AKT3: variants seen among roughly 807,000 people sequenced by gnomAD.
AKT3 encodes the protein AKT serine/threonine kinase 3, also known as RAC-gamma serine/threonine-protein kinase.
AKT3 carries 15 observed loss-of-function variants against 65.3 expected under a neutral mutation model. That is an observed-to-expected ratio of 0.23 (90% CI 0.15 to 0.35). The LOEUF (loss-of-function observed/expected upper bound fraction) is 0.35, where lower values mean the gene tolerates loss of function less well. AKT3 is among the 10% of genes least tolerant of loss of function. AKT3 has a pLI of 1.00. For missense variants in AKT3, 243 were observed against 576.5 expected, an observed-to-expected ratio of 0.42 and a Z score of 5.92; for synonymous variants, 206 against 183.8, an observed-to-expected ratio of 1.12 and a Z score of -0.98.
intron 2 of AKT3, among the ~76,000 whole-genome samples, chr1:243,731,406 C>A (rs1371382687): frequency 6.6e-6 from 1 of 152,138 alleles, no homozygotes; most frequent in African/African-American, 2.4e-5. Flanking sequence ...AGGTAATGGG[C>A]AAGCTCTGAG....
rs1219929825 is a variant in AKT3, at chr1:243,664,228, G to A, written c.284+544C>T. On this transcript the variant is annotated intron_variant, in intron 4 of 13. Coordinates refer to ENST00000673466, the MANE Select transcript of AKT3 (RefSeq NM_005465.7). ...TTTTTTTTTTTTGAGACAGAGTCTCGCTCTGTCGCCCAGGCTGGAGTGCAG... is the reference window on the plus strand; with the variant it reads ...TTTTTTTTTTTTGAGACAGAGTCTCACTCTGTCGCCCAGGCTGGAGTGCAG... Among the ~76,000 whole-genome samples, 15 of 107,612 alleles carry A rather than the reference G, an allele frequency of 1.4e-4. No homozygotes were observed. The East Asian group carries it at 1.5e-3, about 11-fold the overall frequency. The allele number at this position is 107,612 out of a possible 152,430, so 70.6% of individuals were successfully genotyped here. A position where few individuals can be genotyped will look rare whatever the true frequency, so the allele number is the denominator to read the frequency against.
chr1:243,752,250 A>G (rs1441367353), intron 2 of AKT3, among the ~76,000 whole-genome samples: 3 of 152,230 alleles, frequency 2.0e-5, no homozygotes, highest in East Asian at 1.9e-4. Flanking sequence ...TCTGAAAGGT[A>G]TATCTACTAA....
intron 2 of AKT3, among the ~76,000 whole-genome samples, chr1:243,806,358 G>A (rs548874669): frequency 1.3e-5 from 2 of 151,114 alleles, no homozygotes; most frequent in South Asian, 2.1e-4. Context: ...GTATTTATTA[G>A]GGGAAAAAAA....
At chr1:243,824,469 A>G (rs1384243947) in intron 2 of AKT3, among the ~76,000 whole-genome samples, 5 of 152,214 alleles carry the variant, frequency 3.3e-5, no homozygotes, top group Non-Finnish European at 7.3e-5. Context: ...CAGAGTGAAC[A>G]GACAATGTAC....
intron 2 of AKT3, among the ~76,000 whole-genome samples, chr1:243,789,716 A>G (rs1027974687): frequency 1.3e-5 from 2 of 152,212 alleles, no homozygotes; most frequent in South Asian, 4.1e-4. Context: ...GGGCCATCAG[A>G]GGAATTGCTA....
At chr1:243,488,795 T>G (rs1486598276) in intron 13 of AKT3, among the ~76,000 whole-genome samples, 1 of 152,170 alleles carries the variant, frequency 6.6e-6, no homozygotes, top group Non-Finnish European at 1.5e-5. Context: ...GATAGTGTAC[T>G]GAGATGGCTC....
intron 1 of AKT3, among the ~76,000 whole-genome samples, chr1:243,844,977 C>A (rs543073811): frequency 6.6e-6 from 1 of 152,116 alleles, no homozygotes; most frequent in East Asian, 1.9e-4. Flanking sequence ...AGAATCATAT[C>A]ATAAATTTTA....
rs1673178606 is a variant in AKT3 at position 243,553,043 on chromosome 1, T to C, written c.949-100A>G. ...TTTACATAAAAATGAATCTTAACTTTCAAAGCCTAGGTAGTCTGAGATCTT... is the reference window on the plus strand; with the variant it reads ...TTTACATAAAAATGAATCTTAACTTCCAAAGCCTAGGTAGTCTGAGATCTT... On this transcript the variant is annotated intron_variant, in intron 10 of 13. Coordinates refer to ENST00000673466, the MANE Select transcript of AKT3 (RefSeq NM_005465.7). 7.3e-6 allele frequency: 7 copies of C among 959,200 alleles called. No individual in the cohort carries two copies. The Admixed American group carries it at 2.1e-4, about 29-fold the overall frequency. The allele number at this position is 959,200 out of a possible 1,614,324, so 59.4% of individuals were successfully genotyped here.
intron 12 of AKT3, among the ~76,000 whole-genome samples, chr1:243,536,237 C>G (rs1574560308): frequency 1.3e-5 from 2 of 152,160 alleles, no homozygotes; most frequent in Non-Finnish European, 2.9e-5. Flanking sequence ...AATTAAGCCC[C>G]ATTTATTTAT....
chr1:243,772,884 G>C lies in AKT3; in HGVS notation c.46+70241C>G, dbSNP rs535419793. On this transcript the variant is annotated intron_variant, in intron 2 of 13. Transcript: ENST00000673466. ...AAAAAAGGATGAGTTCATGTCCTTT[G>C]TAGGGACATGGATGAAGCTGGAAAC... Among the ~76,000 whole-genome samples the C allele has an allele frequency of 5.1e-3, 772 of 152,114 alleles. 8 individuals are homozygous for C. The highest frequency in any genetic ancestry group is 0.018 in the African/African-American group (732 of 41,486).
chr1:243,659,041 AAAG>A (rs1330029391), intron 4 of AKT3, among the ~76,000 whole-genome samples: 1 of 151,706 alleles, frequency 6.6e-6, no homozygotes, highest in Non-Finnish European at 1.5e-5. Context: ...AAAAAAAAAG[AAAG>A]AAGGCAATTG....
chr1:243,641,995 TA>T (rs958982608), intron 5 of AKT3, among the ~76,000 whole-genome samples: 21 of 150,114 alleles, frequency 1.4e-4, no homozygotes, highest in Non-Finnish European at 2.7e-4. Context: ...ACAATGAGGC[TA>T]AAAAAAAAGT....
chr1:243,694,613 A>C (rs1477736716), intron 3 of AKT3, among the ~76,000 whole-genome samples: 1 of 151,558 alleles, frequency 6.6e-6, no homozygotes, highest in Non-Finnish European at 1.5e-5. Flanking sequence ...TCTTTTTCTT[A>C]AAAAAAATAC....
At chr1:243,829,005 C>G (rs1694341264) in intron 2 of AKT3, among the ~76,000 whole-genome samples, 2 of 152,136 alleles carry the variant, frequency 1.3e-5, no homozygotes, top group Non-Finnish European at 2.9e-5. Context: ...TGAGGCAAAA[C>G]AGAAAGATGC....
At chr1:243,526,875 A>G (rs1671143349) in intron 12 of AKT3, among the ~76,000 whole-genome samples, 1 of 151,778 alleles carries the variant, frequency 6.6e-6, no homozygotes, top group Non-Finnish European at 1.5e-5. Context: ...AAAAAAATGA[A>G]GAAATGAAAG....
At chr1:243,726,645 A>G (rs563924004) in intron 2 of AKT3, among the ~76,000 whole-genome samples, 1 of 152,326 alleles carries the variant, frequency 6.6e-6, no homozygotes, top group East Asian at 1.9e-4. Flanking sequence ...ACAAGCACTC[A>G]GTCCCACAGC....
chr1:243,671,641 T>C (rs1348220702), intron 3 of AKT3, among the ~76,000 whole-genome samples: 1 of 152,182 alleles, frequency 6.6e-6, no homozygotes, highest in Non-Finnish European at 1.5e-5. Context: ...GAGGCAGGTG[T>C]CCTGGTAGAG....
At chr1:243,546,378 A>G (rs1019807149) in intron 11 of AKT3, among the ~76,000 whole-genome samples, 1 of 150,774 alleles carries the variant, frequency 6.6e-6, no homozygotes, top group African/African-American at 2.5e-5. Flanking sequence ...AATATAGTAT[A>G]TATTACTAAG....
intron 1 of AKT3, among the ~76,000 whole-genome samples, chr1:243,849,741 G>C (rs1435483354): frequency 1.3e-5 from 2 of 151,722 alleles, no homozygotes; most frequent in East Asian, 2.0e-4. Context: ...GCTAGGCCGG[G>C]AACACCCCTC....
Sources: gnomAD v4.1 joint callset for allele counts (sites outside exome capture counted in the v4.1 genomes callset) on GRCh38, gnomAD v4.1.1 for gene constraint, MANE v1.5 for transcripts, NCBI Gene and HGNC (gene_info 2026-07-23, HGNC 2026-07-21) for gene names.